EPHX2: variants seen among roughly 807,000 people sequenced by gnomAD.
EPHX2 encodes epoxide hydrolase 2, also known as bifunctional epoxide hydrolase 2.
EPHX2 carries 74 observed loss-of-function variants against 78.7 expected under a neutral mutation model. The ratio of observed to expected loss-of-function variants is 0.94; its 90% CI spans 0.78 to 1.14. The LOEUF is 1.14. EPHX2 is among the 50% of genes most tolerant of loss of function. The probability of loss-of-function intolerance (pLI) is 0.00; values close to 1 mark genes in which losing one functional copy is unlikely to be tolerated. For missense variants in EPHX2, 715 were observed against 702.5 expected, an observed-to-expected ratio of 1.02 and a Z score of -0.20; for synonymous variants, 251 against 255.2, an observed-to-expected ratio of 0.98 and a Z score of 0.16.
At chr8:27,519,294 T>C (rs1814564682) in intron 9 of EPHX2, among the ~76,000 whole-genome samples, 2 of 152,216 alleles carry the variant, frequency 1.3e-5, no homozygotes, top group Admixed American at 1.3e-4. Context: ...TACAGAGGAA[T>C]GACGTGCTGG....
downstream of EPHX2, among the ~76,000 whole-genome samples, chr8:27,547,610 G>A (rs1815596461): frequency 6.6e-6 from 1 of 152,010 alleles, no homozygotes; most frequent in Admixed American, 6.6e-5. Flanking sequence ...TATCATTGTT[G>A]ACTGTAGTCA....
rs554257641 is a variant in EPHX2 at position 27,521,253 on chromosome 8, A to G, written c.972+344A>G. Among the ~76,000 whole-genome samples the G allele has an allele frequency of 3.9e-5, 6 of 152,324 alleles. No homozygotes were observed. In the South Asian group the frequency reaches 6.2e-4, roughly 16 times the overall value. ...GCTCTTTAAACTTTCATCCCTTCTG[A>G]CACTCCTAAAACCTCCTGTTTGCAT... is the stretch of plus-strand genomic sequence containing the variant. On this transcript the variant is annotated intron_variant, in intron 10 of 18. Coordinates refer to ENST00000521400, the MANE Select transcript of EPHX2 (RefSeq NM_001979.6).
chr8:27,493,521 A>AT (rs1813462971), intron 1 of EPHX2, among the ~76,000 whole-genome samples: 2 of 152,216 alleles, frequency 1.3e-5, no homozygotes, highest in Non-Finnish European at 2.9e-5. Context: ...ATAATGAAGT[A>AT]GTTAAACTGG....
intron 12 of EPHX2, among the ~76,000 whole-genome samples, chr8:27,528,304 T>C (rs1170209233): frequency 6.6e-6 from 1 of 152,122 alleles, no homozygotes; most frequent in Non-Finnish European, 1.5e-5. Context: ...ATGTTAGATA[T>C]TCAAATTAGT....
intron 2 of EPHX2, among the ~76,000 whole-genome samples, chr8:27,501,619 C>A (rs913740326): frequency 6.6e-6 from 1 of 151,866 alleles, no homozygotes; most frequent in Non-Finnish European, 1.5e-5. Context: ...CACCGTGTTA[C>A]CCAGACTGGT....
At chr8:27,543,094 G>C (rs933896572) in intron 16 of EPHX2, among the ~76,000 whole-genome samples, 5 of 143,022 alleles carry the variant, frequency 3.5e-5, no homozygotes, top group Non-Finnish European at 7.4e-5. Flanking sequence ...ATTCGTTTTA[G>C]CCACAAAATC....
chr8:27,544,529 G>C lies in EPHX2; in HGVS notation c.*7G>C. ...GGTGGTCTCAAAGATGTAGAACGCA[G>C]CGTGTGCCCACGCTCAGCAGGTGTG... On this transcript the variant is annotated 3_prime_UTR_variant, in exon 19 of 19. Transcript: ENST00000521400. 1 of 1,613,372 alleles carries C rather than the reference G, an allele frequency of 6.2e-7. No homozygotes were observed. Among genetic ancestry groups the C allele is most frequent in the Non-Finnish European group, 8.5e-7 (1 of 1,180,014 alleles).
intron 17 of EPHX2, 88 bp downstream of exon 17, chr8:27,543,917 C>A: frequency 2.2e-6 from 3 of 1,377,220 alleles, no homozygotes; most frequent in Non-Finnish European, 3.1e-6. Flanking sequence ...AGAAGATACA[C>A]CTTGTCATGT....
intron 12 of EPHX2, among the ~76,000 whole-genome samples, chr8:27,526,859 T>C (rs1030191364): frequency 2.6e-5 from 4 of 152,162 alleles, no homozygotes; most frequent in African/African-American, 9.7e-5. Context: ...CAGATGATCC[T>C]CCCATATCAG....
intron 3 of EPHX2, 76 bp from the exon 4 acceptor site, chr8:27,504,880 A>G (rs975186999): frequency 1.3e-6 from 2 of 1,481,926 alleles, no homozygotes; most frequent in African/African-American, 2.8e-5. Flanking sequence ...CCATCATTGG[A>G]GTCCCTTGGG....
intron 8 of EPHX2, 97 bp from the exon 9 acceptor site, chr8:27,517,941 T>A: frequency 1.1e-6 from 1 of 889,556 alleles, no homozygotes; most frequent in Non-Finnish European, 1.8e-6. Flanking sequence ...GTTGTTGTTG[T>A]TTGGTTTTTG....
At chr8:27,537,562 A>G (rs1349462850) in intron 13 of EPHX2, among the ~76,000 whole-genome samples, 2 of 152,198 alleles carry the variant, frequency 1.3e-5, no homozygotes, top group East Asian at 3.8e-4. Context: ...TGTCCTGGAC[A>G]CTGCAGTGTC....
intron 6 of EPHX2, among the ~76,000 whole-genome samples, chr8:27,513,279 A>G (rs945586405): frequency 2.0e-5 from 3 of 152,182 alleles, no homozygotes; most frequent in African/African-American, 4.8e-5. Context: ...CATCCCTTCT[A>G]TAACTCTGGG....
chr8:27,514,144 C>CA (rs1163375547), intron 6 of EPHX2, among the ~76,000 whole-genome samples: 1 of 151,998 alleles, frequency 6.6e-6, no homozygotes, highest in African/African-American at 2.4e-5. Flanking sequence ...ATAGTGAGAC[C>CA]CCCCATCTCT....
intron 6 of EPHX2, 189 bp downstream of exon 6, chr8:27,512,099 A>AAAC: frequency 2.6e-6 from 1 of 384,372 alleles, no homozygotes; most frequent in Non-Finnish European, 4.7e-6. Context: ...CCCTGTCTCA[A>AAAC]GAAAAAAAAA....
At chr8:27,540,989 C>G (rs1352328876) in intron 15 of EPHX2, among the ~76,000 whole-genome samples, 1 of 152,210 alleles carries the variant, frequency 6.6e-6, no homozygotes, top group Non-Finnish European at 1.5e-5. Flanking sequence ...TCCACATAAA[C>G]TCAAAAAGTG....
intron 3 of EPHX2, 53 bp from the exon 4 acceptor site, chr8:27,504,903 A>G: frequency 6.3e-7 from 1 of 1,596,014 alleles, no homozygotes; most frequent in East Asian, 2.2e-5. Flanking sequence ...TATCTGGAGC[A>G]TTTCAGGGCA....
rs1815528794 is a variant in EPHX2 at position 27,544,649 on chromosome 8, C to T, written c.*127C>T. On this transcript the variant is annotated 3_prime_UTR_variant, in exon 19 of 19. Transcript: ENST00000521400. ...GGCAGCATTGTTCTGAAGGGGTTTG[C>T]AGAAAAAAAAGATTTTCTTTACATA... The T allele has an allele frequency of 1.1e-6, 1 of 927,426 alleles. No individual in the cohort carries two copies. Among genetic ancestry groups the T allele is most frequent in the South Asian group, 1.5e-5 (1 of 66,494 alleles). The allele number at this position is 927,426 out of a possible 1,614,324, so 57.4% of individuals were successfully genotyped here.
chr8:27,547,498 G>C (rs554716414), downstream of EPHX2, among the ~76,000 whole-genome samples: 26 of 152,214 alleles, frequency 1.7e-4, no homozygotes, highest in Non-Finnish European at 2.9e-4. Flanking sequence ...TACATATAAT[G>C]TGTAGCAATC....
Sources: allele counts gnomAD v4.1 joint callset (sites outside exome capture counted in the v4.1 genomes callset), GRCh38; gene constraint gnomAD v4.1.1; transcripts MANE v1.5; gene names NCBI Gene and HGNC (gene_info 2026-07-23, HGNC 2026-07-21).